Variants in CYBRD1 observed in about 807,000 individuals in gnomAD.
The protein encoded by CYBRD1 is plasma membrane ascorbate-dependent reductase CYBRD1.
A neutral mutation model predicts 21.9 loss-of-function variants in CYBRD1; 14 were observed. The observed-to-expected ratio is 0.64, with a 90% CI of 0.42 to 1.00. The LOEUF (loss-of-function observed/expected upper bound fraction) is 1.00. Among genes scored for constraint, CYBRD1 ranks in the 50% least tolerant of loss-of-function variants. The pLI is 0.00. For missense variants in CYBRD1, 328 were observed against 352.5 expected, an observed-to-expected ratio of 0.93 and a Z score of 0.56; for synonymous variants, 146 against 136.5, an observed-to-expected ratio of 1.07 and a Z score of -0.48.
intron 2 of CYBRD1, among the ~76,000 whole-genome samples, chr2:171,548,900 T>A (rs1445092682): frequency 1.3e-5 from 2 of 151,168 alleles, no homozygotes; most frequent in Non-Finnish European, 2.9e-5. Context: ...AGGCCAGGAG[T>A]TGAAGACCAA....
Position 171,555,108 on chromosome 2 carries a change from A to C in CYBRD1, c.*281A>C, listed in dbSNP as rs901751082. ...TAGCACGGTGCCTTGTGCAGAATAGATACTCAATATGTGAATATGTGTCTA... is the reference window on the plus strand; with the variant it reads ...TAGCACGGTGCCTTGTGCAGAATAGCTACTCAATATGTGAATATGTGTCTA... On this transcript the variant is annotated 3_prime_UTR_variant, in exon 4 of 4. Transcript: ENST00000321348. 3 of 444,002 alleles carry C rather than the reference A, an allele frequency of 6.8e-6. No individual in the cohort carries two copies. The highest frequency in any genetic ancestry group is 6.0e-5 in the African/African-American group (3 of 50,198). The allele number at this position is 444,002 out of a possible 1,614,324, so 27.5% of individuals were successfully genotyped here. A position where few individuals can be genotyped will look rare whatever the true frequency, so the allele number is the denominator to read the frequency against.
chr2:171,532,791 ACT>A (rs1407645263), intron 1 of CYBRD1, among the ~76,000 whole-genome samples: 4 of 151,160 alleles, frequency 2.6e-5, no homozygotes, highest in African/African-American at 9.7e-5. Context: ...ACATAGTGAG[ACT>A]CTGTCTCAAA....
intron 2 of CYBRD1, among the ~76,000 whole-genome samples, chr2:171,549,081 C>CTATTCTATT (rs141701796): frequency 4.0e-5 from 6 of 151,810 alleles, no homozygotes; most frequent in Non-Finnish European, 5.9e-5. Context: ...CTATTCTATT[C>CTATTCTATT]TATTTATTTA....
intron 1 of CYBRD1, among the ~76,000 whole-genome samples, chr2:171,525,144 G>C (rs1029598573): frequency 3.3e-5 from 5 of 152,076 alleles, no homozygotes; most frequent in African/African-American, 7.2e-5. Flanking sequence ...CACCATGTTG[G>C]CCAGGCTGGC....
intron 1 of CYBRD1, among the ~76,000 whole-genome samples, chr2:171,525,947 T>TAA (rs58388653): frequency 1.4e-3 from 85 of 61,704 alleles, no homozygotes; most frequent in African/African-American, 1.8e-3. Flanking sequence ...AACTCCCGTC[T>TAA]AAAAAAAAAA....
chr2:171,532,572 G>A (rs1697483255), intron 1 of CYBRD1, among the ~76,000 whole-genome samples: 1 of 152,146 alleles, frequency 6.6e-6, no homozygotes, highest in African/African-American at 2.4e-5. Context: ...GGCTGAGGCA[G>A]GAGAATCACT....
chr2:171,552,747 G>A (rs1683400587), intron 2 of CYBRD1, among the ~76,000 whole-genome samples: 2 of 152,142 alleles, frequency 1.3e-5, no homozygotes, highest in East Asian at 3.8e-4. Context: ...CATTATCAAG[G>A]AAATGAAGAC....
rs1354255301 is a variant in CYBRD1 at position 171,556,747 on chromosome 2, C to T, written c.*1920C>T. The T allele has an allele frequency of 6.6e-6, 1 of 152,192 alleles. No individual in the cohort carries two copies. Among genetic ancestry groups the T allele is most frequent in the African/African-American group, 2.4e-5 (1 of 41,432 alleles). 9.4% of individuals were successfully genotyped at this position (152,192 alleles called of 1,614,324 possible). Reference sequence around the variant, plus strand: ...GGATCCCCAGTACCCAGCCCTCTGCCTGGCACAAAGTGGTAGCACAATTAA... The same window carrying T: ...GGATCCCCAGTACCCAGCCCTCTGCTTGGCACAAAGTGGTAGCACAATTAA... On this transcript the variant is annotated 3_prime_UTR_variant, in exon 4 of 4. Transcript: ENST00000321348.
chr2:171,536,341 G>T (rs1697545477), intron 1 of CYBRD1, among the ~76,000 whole-genome samples: 1 of 151,086 alleles, frequency 6.6e-6, no homozygotes, highest in African/African-American at 2.4e-5. Context: ...GTCTGGTTCT[G>T]TTGCCCAGGC....
intron 1 of CYBRD1, among the ~76,000 whole-genome samples, chr2:171,526,718 C>T (rs184654802): frequency 1.2e-4 from 19 of 152,240 alleles, no homozygotes; most frequent in African/African-American, 4.3e-4. Flanking sequence ...AACAAATAAA[C>T]GCTGTCAAAG....
In CYBRD1 at chr2:171,523,763, C is replaced by T. The variant is rs191094359; in HGVS notation, c.193+1025C>T. On this transcript the variant is annotated intron_variant, in intron 1 of 3. Coordinates refer to ENST00000321348, the MANE Select transcript of CYBRD1 (RefSeq NM_024843.4). The stretch of plus-strand genomic sequence containing the variant: ...GTCCTGACTGCTTCCTTCGGTTTGC[C>T]GTGTAGCTGGAGGAACCTCTAGCTT... 2.1e-3 allele frequency among the ~76,000 whole-genome samples: 326 copies of T among 152,300 alleles called. 1 individual carries two copies. The highest frequency in any genetic ancestry group is 7.5e-3 in the Admixed American group (115 of 15,302).
chr2:171,541,450 A>T (rs181647548), intron 1 of CYBRD1, 135 bp from the exon 2 acceptor site: 1 of 806,620 alleles, frequency 1.2e-6, no homozygotes, highest in African/African-American at 1.7e-5. Flanking sequence ...CAGGGGTAAC[A>T]TGGGGAAGAG....
chr2:171,547,405 G>A lies in CYBRD1; in HGVS notation c.402+5612G>A, dbSNP rs189685202. On this transcript the variant is annotated intron_variant, in intron 2 of 3. Coordinates refer to ENST00000321348, the MANE Select transcript of CYBRD1 (RefSeq NM_024843.4). ...ACAGAGAGGGTGACAATTGGACAGGGGCAAGAGTCCAAGGAGGCATTTGGG... is the reference window on the plus strand; with the variant it reads ...ACAGAGAGGGTGACAATTGGACAGGAGCAAGAGTCCAAGGAGGCATTTGGG... Among the ~76,000 whole-genome samples the A allele has an allele frequency of 1.4e-3, 211 of 151,740 alleles. 1 individual carries two copies. Among genetic ancestry groups the A allele is most frequent in the African/African-American group, 4.5e-3 (185 of 41,354 alleles).
In CYBRD1 at chr2:171,524,252, G is replaced by A. The variant is rs182944529; in HGVS notation, c.193+1514G>A. Among the ~76,000 whole-genome samples, 7 of 152,166 alleles carry A rather than the reference G, an allele frequency of 4.6e-5. No homozygotes were observed. The South Asian group carries it at 1.2e-3, about 27-fold the overall frequency. ...CTGGGCACCTAAGGCATTTCGTTGC[G>A]TAACTCTCAGTTATTTTGCCACTAT... On this transcript the variant is annotated intron_variant, in intron 1 of 3. Transcript: ENST00000321348.
Position 171,541,812 on chromosome 2 carries a change from T to G in CYBRD1, c.402+19T>G. ...GTTACAGGTCAGTATTTCAGTGTATTTACAAGCAAGTTATAAAAACAATTC... is the reference window on the plus strand; with the variant it reads ...GTTACAGGTCAGTATTTCAGTGTATGTACAAGCAAGTTATAAAAACAATTC... On this transcript the variant is annotated intron_variant, in intron 2 of 3. Coordinates refer to ENST00000321348, the MANE Select transcript of CYBRD1 (RefSeq NM_024843.4). The G allele has an allele frequency of 6.3e-7, 1 of 1,587,082 alleles. No homozygotes were observed. Among genetic ancestry groups the G allele is most frequent in the Non-Finnish European group, 8.6e-7 (1 of 1,156,840 alleles).
chr2:171,525,693 G>A (rs913715357), intron 1 of CYBRD1, among the ~76,000 whole-genome samples: 1 of 152,148 alleles, frequency 6.6e-6, no homozygotes, highest in African/African-American at 2.4e-5. Context: ...AAGAAGAGAA[G>A]GCTAAAGTAC....
At chr2:171,547,119 T>C (rs1276290343) in intron 2 of CYBRD1, among the ~76,000 whole-genome samples, 1 of 151,970 alleles carries the variant, frequency 6.6e-6, no homozygotes, top group Non-Finnish European at 1.5e-5. Flanking sequence ...AGCCACAAGT[T>C]TGAATAAGTG....
chr2:171,541,027 G>C (rs12475526), intron 1 of CYBRD1: 4 of 165,162 alleles, frequency 2.4e-5, no homozygotes, highest in African/African-American at 9.6e-5. Flanking sequence ...GCCTCTCAAA[G>C]TGCTGGGATT....
At chr2:171,552,252 A>G (rs1382719556) in intron 2 of CYBRD1, among the ~76,000 whole-genome samples, 1 of 152,210 alleles carries the variant, frequency 6.6e-6, no homozygotes, top group Non-Finnish European at 1.5e-5. Flanking sequence ...GTTGAATCCT[A>G]CCAATGTTTT....
Sources: allele counts gnomAD v4.1 joint callset (sites outside exome capture counted in the v4.1 genomes callset), GRCh38; gene constraint gnomAD v4.1.1; transcripts MANE v1.5; gene names NCBI Gene and HGNC (gene_info 2026-07-23, HGNC 2026-07-21).